CELF6: variants seen among roughly 807,000 people sequenced by gnomAD.
The protein encoded by CELF6 is CUGBP Elav-like family member 6, also known as Bruno -like 6, RNA binding protein.
CELF6 carries 32 observed loss-of-function variants against 53.1 expected under a neutral mutation model. That is an observed-to-expected ratio of 0.60 (90% confidence interval 0.46 to 0.81). CELF6 has a LOEUF of 0.81. CELF6 is among the 30% of genes least tolerant of loss of function. The pLI is 0.00. For synonymous variants in CELF6, 291 were observed against 288.8 expected, an observed-to-expected ratio of 1.01 and a Z score of -0.08; for missense variants, 539 against 669.5, an observed-to-expected ratio of 0.81 and a Z score of 2.15.
intron 2 of CELF6, among the ~76,000 whole-genome samples, chr15:72,315,019 CTT>C (rs200854508): frequency 0.01 from 1,582 of 152,206 alleles, 12 homozygotes; most frequent in South Asian, 0.022. Context: ...TATCTTGTGT[CTT>C]TACTTCATCC....
chr15:72,301,079 G>A (rs1443092143), intron 3 of CELF6, among the ~76,000 whole-genome samples: 1 of 151,916 alleles, frequency 6.6e-6, no homozygotes, highest in Non-Finnish European at 1.5e-5. Flanking sequence ...GAACTCCTGG[G>A]CTCAAGTGAT....
chr15:72,289,856 G>A lies in CELF6; in HGVS notation c.603+83C>T, dbSNP rs2087981445. The A allele has an allele frequency of 6.7e-7, 1 of 1,502,610 alleles. No individual in the cohort carries two copies. The highest frequency in any genetic ancestry group is 8.9e-7 in the Non-Finnish European group (1 of 1,128,500). 93.1% of individuals were successfully genotyped at this position (1,502,610 alleles called of 1,614,324 possible). A position where few individuals can be genotyped will look rare whatever the true frequency, so the allele number is the denominator to read the frequency against. The stretch of plus-strand genomic sequence containing the variant: ...AGCGCCTTTCCCATCAGGTCCTTTC[G>A]CGGGGCACCGAGCACACTCGGGGAG... On this transcript the variant is annotated intron_variant, in intron 5 of 12. Transcript: ENST00000287202. This position sits in a 1 kb window ranked among gnomAD's most constrained non-coding sequence, Gnocchi z 7.6.
chr15:72,291,916 T>C (rs1172959633), intron 3 of CELF6, among the ~76,000 whole-genome samples: 1 of 152,220 alleles, frequency 6.6e-6, no homozygotes, highest in Non-Finnish European at 1.5e-5. Context: ...GTCTCACCAG[T>C]GACCTTCTGT....
chr15:72,319,662 G>A lies in CELF6; in HGVS notation c.213C>T (p.Arg71=), dbSNP rs375332864. 2.5e-6 allele frequency: 4 copies of A among 1,580,566 alleles called. No individual in the cohort carries two copies. The African/African-American group carries it at 4.0e-5, about 16-fold the overall frequency. ...DLKPLFEEFG[R]IYELTVLKDR... ...CCTTCAGCACCGTCAGCTCGTAGAT[G>A]CGGCCGAACTCCTCGAACAGCGGCT... Residue 71 remains arginine, a synonymous_variant, in exon 1 of 13, where the codon CGC becomes CGT. Coordinates refer to ENST00000287202, the MANE Select transcript of CELF6 (RefSeq NM_052840.5). This position sits in a 1 kb window ranked among gnomAD's most constrained non-coding sequence, Gnocchi z 5.0.
At chr15:72,308,782 T>C (rs1289991263) in intron 2 of CELF6, among the ~76,000 whole-genome samples, 1 of 151,932 alleles carries the variant, frequency 6.6e-6, no homozygotes, top group Admixed American at 6.6e-5. Context: ...CTCAGCTCAC[T>C]GCAATCTCCG....
chr15:72,291,592 G>A (rs548595708), intron 3 of CELF6, among the ~76,000 whole-genome samples: 22 of 152,340 alleles, frequency 1.4e-4, no homozygotes, highest in African/African-American at 5.3e-4. Context: ...AAGCCTGGGT[G>A]ACAGCGAAGG....
chr15:72,317,984 GA>G (rs2088382352), intron 1 of CELF6, among the ~76,000 whole-genome samples: 1 of 152,042 alleles, frequency 6.6e-6, no homozygotes, highest in South Asian at 2.1e-4. Context: ...GAGGATGAGG[GA>G]ACAGTTCAGA....
chr15:72,308,520 C>G (rs756857851), intron 2 of CELF6, among the ~76,000 whole-genome samples: 23 of 152,098 alleles, frequency 1.5e-4, no homozygotes, highest in Non-Finnish European at 2.9e-4. Flanking sequence ...AGCCACCGCA[C>G]CTGGCCGGTT....
intron 2 of CELF6, among the ~76,000 whole-genome samples, chr15:72,309,565 T>C (rs1005161313): frequency 6.6e-6 from 1 of 152,068 alleles, no homozygotes; most frequent in African/African-American, 2.4e-5. Context: ...AGAACAGAGT[T>C]GGGGAGAGCA....
At position 72,289,864 on chromosome 15, in the gene CELF6, C is replaced by T; in HGVS notation, c.603+75G>A. On this transcript the variant is annotated intron_variant, in intron 5 of 12. Coordinates refer to ENST00000287202, the MANE Select transcript of CELF6 (RefSeq NM_052840.5). This position sits in a 1 kb window ranked among gnomAD's most constrained non-coding sequence, Gnocchi z 7.6. ...TCCCATCAGGTCCTTTCGCGGGGCA[C>T]CGAGCACACTCGGGGAGGAGAAGCC... The T allele has an allele frequency of 6.6e-7, 1 of 1,512,756 alleles. No homozygotes were observed. The allele number at this position is 1,512,756 out of a possible 1,614,324, so 93.7% of individuals were successfully genotyped here.
At chr15:72,299,919 G>C (rs2088130250) in intron 3 of CELF6, among the ~76,000 whole-genome samples, 1 of 152,196 alleles carries the variant, frequency 6.6e-6, no homozygotes, top group African/African-American at 2.4e-5. Context: ...GGTACTCTGA[G>C]AAAAGTGTTG....
Position 72,288,287 on chromosome 15 carries a change from A to C in CELF6, c.1318+21T>G, listed in dbSNP as rs762937847. ...TTATAGTCAGAGGTGGGAGAGGCCT[A>C]GGGGTAGGTTCTCAGCTCACCAAAA... On this transcript the variant is annotated intron_variant, in intron 11 of 12. Coordinates refer to ENST00000287202, the MANE Select transcript of CELF6 (RefSeq NM_052840.5). This position sits in a 1 kb window ranked among gnomAD's most constrained non-coding sequence, Gnocchi z 4.6. 1 of 1,613,568 alleles carries C rather than the reference A, an allele frequency of 6.2e-7. No homozygotes were observed. Among genetic ancestry groups the C allele is most frequent in the Admixed American group, 1.7e-5 (1 of 59,998 alleles).
chr15:72,298,979 C>T (rs1161022532), intron 3 of CELF6, among the ~76,000 whole-genome samples: 3 of 152,046 alleles, frequency 2.0e-5, no homozygotes, highest in East Asian at 1.9e-4. Context: ...AGGCTGAGGC[C>T]GGTAAATCAC....
chr15:72,317,635 G>A (rs1040269270), intron 1 of CELF6, among the ~76,000 whole-genome samples: 3 of 152,154 alleles, frequency 2.0e-5, no homozygotes, highest in African/African-American at 7.2e-5. Flanking sequence ...TCTGGGGAGA[G>A]GATGAGGAAG....
intron 3 of CELF6, among the ~76,000 whole-genome samples, chr15:72,300,134 C>A (rs543558221): frequency 6.6e-6 from 1 of 152,224 alleles, no homozygotes; most frequent in South Asian, 2.1e-4. Context: ...GTGGGAGGAT[C>A]ATTTGAAGCC....
chr15:72,289,381 C>T lies in CELF6; in HGVS notation c.874G>A (p.Ala292Thr), dbSNP rs964375764. ...CAGTCCCTGGGGGCCGTACCTGCCG[C>T]GGGCAACAGAGGCGCAGCTACCAGG... Reference protein sequence around the residue: ...FSLVAAPLLPAAAANSPPGSG... With the variant: ...FSLVAAPLLPTAAANSPPGSG... Residue 292 changes from alanine (A) to threonine (T), a missense_variant, in exon 7 of 13, where the codon GCG becomes ACG. Transcript: ENST00000287202. This position sits in a 1 kb window ranked among gnomAD's most constrained non-coding sequence, Gnocchi z 7.6. 1.2e-5 allele frequency: 18 copies of T among 1,553,476 alleles called. 1 individual carries two copies. The highest frequency in any genetic ancestry group is 3.5e-5 in the South Asian group (3 of 85,456).
Position 72,314,589 on chromosome 15 carries a change from G to GTTTTTTTTTTTTTTTTTTTT in CELF6, c.345+1236_345+1255dup, listed in dbSNP as rs984879836. ...AGGTCTGTGAGACTCAAAACCCAGT[G>GTTTTTTTTTTTTTTTTTTTT]TTTTTTTTTTTTTTTTTTTTTTTGA... On this transcript the variant is annotated intron_variant, in intron 2 of 12. Coordinates refer to ENST00000287202, the MANE Select transcript of CELF6 (RefSeq NM_052840.5). Among the ~76,000 whole-genome samples, 17 of 97,842 alleles carry GTTTTTTTTTTTTTTTTTTTT rather than the reference G, an allele frequency of 1.7e-4. 3 individuals are homozygous for GTTTTTTTTTTTTTTTTTTTT. The highest frequency in any genetic ancestry group is 7.2e-4 in the African/African-American group (15 of 20,712). The allele number at this position is 97,842 out of a possible 152,430, so 64.2% of individuals were successfully genotyped here.
chr15:72,319,727 C>A lies in CELF6; in HGVS notation c.148G>T (p.Val50Leu). 2 of 1,601,774 alleles carry A rather than the reference C, an allele frequency of 1.2e-6. No homozygotes were observed. The highest frequency in any genetic ancestry group is 1.7e-6 in the Non-Finnish European group (2 of 1,174,064). ...MKDHDAIKLF[V>L]GQIPRGLDEQ... ...TCCAAGCCCCGCGGGATCTGCCCCA[C>A]GAAGAGCTTGATGGCGTCGTGGTCC... Residue 50 changes from valine to leucine, a missense_variant, in exon 1 of 13, where the codon GTG (valine) becomes TTG (leucine). Physicochemically the swap from Val to Leu is conservative, Grantham distance 32 (BLOSUM62 1). Coordinates refer to ENST00000287202, the MANE Select transcript of CELF6 (RefSeq NM_052840.5). This position sits in a 1 kb window ranked among gnomAD's most constrained non-coding sequence, Gnocchi z 5.0.
chr15:72,303,475 C>A (rs1416961985), intron 3 of CELF6, among the ~76,000 whole-genome samples: 1 of 152,182 alleles, frequency 6.6e-6, no homozygotes, highest in East Asian at 1.9e-4. Context: ...CACAGTGGAA[C>A]CACAAAGTCA....
Sources: allele counts gnomAD v4.1 joint callset (sites outside exome capture counted in the v4.1 genomes callset), GRCh38; gene constraint gnomAD v4.1.1; non-coding constraint Gnocchi (gnomAD v3.1); transcripts MANE v1.5; gene names NCBI Gene and HGNC (gene_info 2026-07-23, HGNC 2026-07-21).